The following RAB36 variants were observed in gnomAD, a reference collection of about 807,000 sequenced individuals.
RAB36 encodes the protein ras-related protein Rab-36.
Under a neutral mutation model 39.3 loss-of-function variants are expected in RAB36, and 33 were observed. The observed-to-expected ratio is 0.84, with a 90% CI of 0.64 to 1.12. The LOEUF is 1.12. RAB36 is among the 50% of genes most tolerant of loss of function. RAB36 has a pLI of 0.00. For missense variants in RAB36, 308 were observed against 355.3 expected, an observed-to-expected ratio of 0.87 and a Z score of 1.07; for synonymous variants, 133 against 140.2, an observed-to-expected ratio of 0.95 and a Z score of 0.36.
chr22:23,167,706 A>T (rs57983679), downstream of RAB36, among the ~76,000 whole-genome samples: 37,402 of 145,100 alleles, frequency 0.26, 5,068 homozygotes, highest in East Asian at 0.63. Flanking sequence ...TTTTTTAATT[A>T]ATTTATTTTT....
In RAB36 at chr22:23,160,948, T is replaced by C. The variant is rs764563046; in HGVS notation, c.689T>C (p.Leu230Pro). ...LAFEQSVLQDLERQSSARLQV... is the reference protein window; with the variant it reads ...LAFEQSVLQDPERQSSARLQV... The stretch of plus-strand genomic sequence containing the variant: ...TTCGAGCAGTCGGTGCTGCAGGACC[T>C]GGAGAGGCAGAGCAGTGCCCGGCTC... Residue 230 changes from leucine to proline, a missense_variant, in exon 10 of 11, where the codon CTG (leucine) becomes CCG (proline). By Grantham distance (98) the Leu-to-Pro change is moderately conservative (BLOSUM62 -3). Coordinates refer to ENST00000263116, the MANE Select transcript of RAB36 (RefSeq NM_004914.5). 2.2e-5 allele frequency: 36 copies of C among 1,613,600 alleles called. No homozygotes were observed. The highest frequency in any genetic ancestry group is 3.0e-5 in the Non-Finnish European group (35 of 1,179,828).
In RAB36 at chr22:23,158,955, C is replaced by G. The variant is rs202200342; in HGVS notation, c.504C>G (p.Leu168=). 8 of 1,614,152 alleles carry G rather than the reference C, an allele frequency of 5.0e-6. No homozygotes were observed. In the Admixed American group the frequency reaches 1.3e-4, roughly 27 times the overall value. Residue 168 remains leucine (L), a synonymous_variant, in exon 8 of 11, where the codon CTC becomes CTG. Coordinates refer to ENST00000263116, the MANE Select transcript of RAB36 (RefSeq NM_004914.5). ...AGGCAGGCTCCTGCTTCATCTTCCTCGTGGGAACCAAGAAGGACCTTCTGG... is the reference window on the plus strand; with the variant it reads ...AGGCAGGCTCCTGCTTCATCTTCCTGGTGGGAACCAAGAAGGACCTTCTGG... ...ENEAGSCFIF[L]VGTKKDLLSG...
chr22:23,156,671 C>A (rs180969286), intron 6 of RAB36, among the ~76,000 whole-genome samples: 15 of 152,232 alleles, frequency 9.9e-5, no homozygotes, highest in Non-Finnish European at 1.5e-5. Context: ...TATGTCTACT[C>A]GGTAGTGGTG....
At chr22:23,157,965 G>A in intron 6 of RAB36, 27 bp from the exon 7 acceptor site, 1 of 1,614,098 alleles carries the variant, frequency 6.2e-7, no homozygotes, top group Non-Finnish European at 8.5e-7. Context: ...GGCACTGATT[G>A]GCTGTTGGCT....
At chr22:23,167,461 C>A (rs150311864), downstream of RAB36, among the ~76,000 whole-genome samples, 2 of 152,280 alleles carry the variant, frequency 1.3e-5, no homozygotes, top group South Asian at 4.1e-4. Context: ...CCTGCCTCCC[C>A]CTCCTCCCAG....
downstream of RAB36, among the ~76,000 whole-genome samples, chr22:23,166,864 G>A (rs1261395049): frequency 6.6e-6 from 1 of 152,150 alleles, no homozygotes; most frequent in Non-Finnish European, 1.5e-5. Context: ...CAAAGCAGAA[G>A]TCATCCAGGA....
chr22:23,167,569 TCA>T (rs2072072242), downstream of RAB36, among the ~76,000 whole-genome samples: 1 of 152,162 alleles, frequency 6.6e-6, no homozygotes, highest in Admixed American at 6.5e-5. Flanking sequence ...CAGACAAACC[TCA>T]CTCTCTGGAG....
intron 4 of RAB36, 143 bp downstream of exon 4, chr22:23,152,669 A>C: frequency 1.2e-6 from 1 of 806,942 alleles, no homozygotes; most frequent in African/African-American, 1.7e-5. Flanking sequence ...TGGGAGCCGG[A>C]TAAGAGGGGG....
chr22:23,162,887 A>C lies in RAB36; in HGVS notation c.*1323A>C. The C allele has an allele frequency of 3.1e-6, 1 of 318,438 alleles. No individual in the cohort carries two copies. The highest frequency in any genetic ancestry group is 6.2e-6 in the Non-Finnish European group (1 of 160,080). 19.7% of individuals were successfully genotyped at this position (318,438 alleles called of 1,614,324 possible). Reference sequence around the variant, plus strand: ...TTTCTATTCATTCCCCCTTCAACATATTTTTTGTAGTTTTTTATATAAATG... The same window carrying C: ...TTTCTATTCATTCCCCCTTCAACATCTTTTTTGTAGTTTTTTATATAAATG... On this transcript the variant is annotated 3_prime_UTR_variant, in exon 11 of 11. Transcript: ENST00000263116.
chr22:23,147,248 T>C (rs1478632680), intron 2 of RAB36, among the ~76,000 whole-genome samples: 1 of 152,184 alleles, frequency 6.6e-6, no homozygotes, highest in East Asian at 1.9e-4. Flanking sequence ...GAATACAAAT[T>C]GAGTACAACC....
chr22:23,157,730 C>T (rs2071536582), intron 6 of RAB36, among the ~76,000 whole-genome samples: 1 of 152,228 alleles, frequency 6.6e-6, no homozygotes, highest in Non-Finnish European at 1.5e-5. Flanking sequence ...CGCTAAAGCC[C>T]ATGCGCTCGC....
chr22:23,153,286 C>A (rs555047281), intron 5 of RAB36, 152 bp downstream of exon 5: 2 of 665,044 alleles, frequency 3.0e-6, no homozygotes, highest in Admixed American at 2.8e-5. Context: ...CTTCCTGGCT[C>A]CCAGAGCCCC....
At position 23,164,506 on chromosome 22, in the gene RAB36, G is replaced by A. The variant is rs1027573202; in HGVS notation, c.*2942G>A. Among the ~76,000 whole-genome samples the A allele has an allele frequency of 5.3e-5, 8 of 152,042 alleles. No individual in the cohort carries two copies. The highest frequency in any genetic ancestry group is 3.9e-4 in the East Asian group (2 of 5,178). ...CCCCAAGTTGATGCAGCATCTTCTC[G>A]GTCAGAATTGCTTCAGGGTGGTTTG... On this transcript the variant is annotated 3_prime_UTR_variant, in exon 11 of 11. Transcript: ENST00000263116.
rs71744650 is a variant in RAB36, at chr22:23,163,606, G to GCCCCCCCCCCCCCCCCCCCCCACCCCCC, written c.*2052_*2053insCCCCCCCCCCCACCCCCCCCCCCCCCCC. 1 of 125,338 alleles carries GCCCCCCCCCCCCCCCCCCCCCACCCCCC rather than the reference G, an allele frequency of 8.0e-6. No homozygotes were observed. Among genetic ancestry groups the GCCCCCCCCCCCCCCCCCCCCCACCCCCC allele is most frequent in the Non-Finnish European group, 1.8e-5 (1 of 55,730 alleles). 7.8% of individuals were successfully genotyped at this position (125,338 alleles called of 1,614,324 possible). A position where few individuals can be genotyped will look rare whatever the true frequency, so the allele number is the denominator to read the frequency against. On this transcript the variant is annotated 3_prime_UTR_variant, in exon 11 of 11. Coordinates refer to ENST00000263116, the MANE Select transcript of RAB36 (RefSeq NM_004914.5). The stretch of plus-strand genomic sequence containing the variant: ...AAAGCATATAAAATACAAGGTGAAA[G>GCCCCCCCCCCCCCCCCCCCCCACCCCCC]CCCCCCCCCCGCCACATTAGCTGCG...
At chr22:23,156,466 GCCGGATGCTCACCA>G (rs1248441691) in intron 6 of RAB36, among the ~76,000 whole-genome samples, 8 of 152,190 alleles carry the variant, frequency 5.3e-5, no homozygotes, top group Non-Finnish European at 1.0e-4. Flanking sequence ...GGCCAGCAGG[GCCGGATGCTCACCA>G]CTTCCATGGC....
rs2146596117 is a variant in RAB36, at chr22:23,160,862, G to A, written c.620-17G>A. The A allele has an allele frequency of 1.2e-6, 2 of 1,611,096 alleles. No individual in the cohort carries two copies. The highest frequency in any genetic ancestry group is 1.7e-6 in the Non-Finnish European group (2 of 1,178,246). ...GAGAAACACTGATGAGGTCCCGGCT[G>A]TCTTGTGGGCCCACAGGCGAGAACG... On this transcript the variant is annotated splice_polypyrimidine_tract_variant and intron_variant, in intron 9 of 10. Coordinates refer to ENST00000263116, the MANE Select transcript of RAB36 (RefSeq NM_004914.5).
intron 2 of RAB36, among the ~76,000 whole-genome samples, chr22:23,148,581 T>C (rs747619648): frequency 1.3e-5 from 2 of 152,166 alleles, no homozygotes; most frequent in Admixed American, 6.5e-5. Flanking sequence ...CTGCCCATAA[T>C]AGTCAGGGAT....
In RAB36 at chr22:23,162,827, G is replaced by A; in HGVS notation, c.*1263G>A. On this transcript the variant is annotated 3_prime_UTR_variant, in exon 11 of 11. Transcript: ENST00000263116. ...CCTGTAAATGTTCAGCTCAGCGATT[G>A]CCAAATACCAGTTAGGGAAGAACAC... 1 of 437,932 alleles carries A rather than the reference G, an allele frequency of 2.3e-6. No homozygotes were observed. The highest frequency in any genetic ancestry group is 1.6e-5 in the South Asian group (1 of 63,612). The allele number at this position is 437,932 out of a possible 1,614,324, so 27.1% of individuals were successfully genotyped here. A position where few individuals can be genotyped will look rare whatever the true frequency, so the allele number is the denominator to read the frequency against.
At position 23,152,501 on chromosome 22, in the gene RAB36, G is replaced by A. The variant is rs1362738509; in HGVS notation, c.202G>A (p.Val68Met). The change falls in exon 4 of 11, where the codon GTG becomes ATG. Residue 68 changes from valine to methionine, a missense_variant. Physicochemically the swap from Val to Met is conservative, Grantham distance 21. Transcript: ENST00000263116. ...GGTGGTGGTGGTTGGCGATCTCTAC[G>A]TGGGGAAGACCAGCCTCATCCACAG... ...SKVVVVGDLY[V>M]GKTSLIHRFC... is the part of the protein sequence containing the mutation. The A allele has an allele frequency of 5.0e-6, 8 of 1,614,038 alleles. No individual in the cohort carries two copies. The highest frequency in any genetic ancestry group is 2.7e-5 in the African/African-American group (2 of 74,922).
Sources: allele counts gnomAD v4.1 joint callset (sites outside exome capture counted in the v4.1 genomes callset), GRCh38; gene constraint gnomAD v4.1.1; transcripts MANE v1.5; gene names NCBI Gene and HGNC (gene_info 2026-07-23, HGNC 2026-07-21).